Variants in HEATR6 observed in about 807,000 individuals in gnomAD.
HEATR6 encodes HEAT repeat-containing protein 6.
A neutral mutation model predicts 132.8 loss-of-function variants in HEATR6; 106 were observed. The observed-to-expected ratio is 0.80, with a 90% CI of 0.68 to 0.94. HEATR6 has a LOEUF of 0.94. Ranked by LOEUF, HEATR6 falls within the 40% of genes least tolerant of loss-of-function variation. HEATR6 has a pLI of 0.00. For missense variants in HEATR6, 1,339 were observed against 1,425.1 expected, an observed-to-expected ratio of 0.94 and a Z score of 0.97; for synonymous variants, 529 against 537.8, an observed-to-expected ratio of 0.98 and a Z score of 0.23.
intron 9 of HEATR6, among the ~76,000 whole-genome samples, chr17:60,060,533 A>G (rs1264947841): frequency 6.6e-6 from 1 of 152,224 alleles, no homozygotes; most frequent in Non-Finnish European, 1.5e-5. Context: ...TGAAATCCTA[A>G]GCATGAGAAT....
chr17:60,042,133 CA>C lies in HEATR6; in HGVS notation c.*1429del, dbSNP rs1201797033. Among the ~76,000 whole-genome samples the C allele has an allele frequency of 2.0e-5, 3 of 152,206 alleles. No homozygotes were observed. Among genetic ancestry groups the C allele is most frequent in the Non-Finnish European group, 4.4e-5 (3 of 68,028 alleles). ...AGGCACAAATTAAAAGGTGGCAAAA[CA>C]ACCATATATTTAGTGTGTGGGATCA... On this transcript the variant is annotated 3_prime_UTR_variant, in exon 20 of 20. Transcript: ENST00000184956.
At chr17:60,069,418 C>T (rs112625233) in intron 7 of HEATR6, among the ~76,000 whole-genome samples, 144 of 152,270 alleles carry the variant, frequency 9.5e-4, no homozygotes, top group Middle Eastern at 3.4e-3. Context: ...GTTTAGAGAA[C>T]GTTTGTTGAC....
intron 11 of HEATR6, 53 bp downstream of exon 11, chr17:60,059,369 T>C (rs1412668512): frequency 7.1e-6 from 7 of 987,930 alleles, no homozygotes; most frequent in African/African-American, 1.6e-5. Flanking sequence ...TTTTTACTAA[T>C]AGTCTGCATC....
At chr17:60,067,769 T>C (rs1374580083) in intron 7 of HEATR6, 37 bp from the exon 8 acceptor site, 8 of 1,508,936 alleles carry the variant, frequency 5.3e-6, no homozygotes, top group Non-Finnish European at 5.4e-6. Context: ...ATATAATAAC[T>C]ACTTCAGAAT....
Position 60,056,187 on chromosome 17 carries a change from C to T in HEATR6, c.2130G>A (p.Leu710=). 1 of 1,614,088 alleles carries T rather than the reference C, an allele frequency of 6.2e-7. No homozygotes were observed. Among genetic ancestry groups the T allele is most frequent in the Non-Finnish European group, 8.5e-7 (1 of 1,179,960 alleles). The change falls in exon 13 of 20, where the codon TTG becomes TTA. Residue 710 remains leucine (L), a synonymous_variant. Transcript: ENST00000184956. Reference sequence around the variant, plus strand: ...TGCAAATCACCTCTCCAAGCTCCATCAAGTAGGCTTGAGTCATTGAAAAGT... The same window carrying T: ...TGCAAATCACCTCTCCAAGCTCCATTAAGTAGGCTTGAGTCATTGAAAAGT... ...RGYFSMTQAY[L]MELGEVICKC...
At chr17:60,049,008 A>ATATATAT (rs1056861686) in intron 16 of HEATR6, among the ~76,000 whole-genome samples, 8 of 139,162 alleles carry the variant, frequency 5.7e-5, no homozygotes, top group East Asian at 4.2e-4. Flanking sequence ...ATATATATAT[A>ATATATAT]TATATATATA....
chr17:60,073,985 AGAGT>A, intron 2 of HEATR6, 99 bp from the exon 3 acceptor site: 1 of 1,471,476 alleles, frequency 6.8e-7, no homozygotes, highest in South Asian at 1.5e-5. Context: ...TATAAAAGAG[AGAGT>A]GTGTGTCTGT....
Position 60,073,150 on chromosome 17 carries a change from C to A in HEATR6, c.584+14G>T. On this transcript the variant is annotated intron_variant, in intron 4 of 19. Transcript: ENST00000184956. ...ATCTTATTACCATTGAGAAACTTGACTGGAGCCACATACCTGAGACATAAG... is the reference window on the plus strand; with the variant it reads ...ATCTTATTACCATTGAGAAACTTGAATGGAGCCACATACCTGAGACATAAG... 6.7e-6 allele frequency: 10 copies of A among 1,492,312 alleles called. No homozygotes were observed. Among genetic ancestry groups the A allele is most frequent in the Non-Finnish European group, 9.4e-6 (10 of 1,069,370 alleles). 92.4% of individuals were successfully genotyped at this position (1,492,312 alleles called of 1,614,324 possible).
At position 60,078,889 on chromosome 17, in the gene HEATR6, G is replaced by A. The variant is rs370439017; in HGVS notation, c.26C>T (p.Ser9Leu). The A allele has an allele frequency of 4.5e-6, 6 of 1,322,414 alleles. No individual in the cohort carries two copies. Among genetic ancestry groups the A allele is most frequent in the Non-Finnish European group, 5.9e-6 (6 of 1,009,014 alleles). The allele number at this position is 1,322,414 out of a possible 1,614,324, so 81.9% of individuals were successfully genotyped here. A position where few individuals can be genotyped will look rare whatever the true frequency, so the allele number is the denominator to read the frequency against. Reference protein sequence around the residue: MAAVQVVGSWPSVQPREAP... With the variant: MAAVQVVGLWPSVQPREAP... ...CTCCCGCGGCTGCACGGAAGGCCAC[G>A]AACCGACAACTTGCACAGCAGCCAT... Residue 9 changes from serine to leucine, a missense_variant, in exon 1 of 20, where the codon TCG becomes TTG. Ser to Leu is a moderately radical substitution (Grantham distance 145). Coordinates refer to ENST00000184956, the MANE Select transcript of HEATR6 (RefSeq NM_022070.5).
intron 11 of HEATR6, among the ~76,000 whole-genome samples, 155 bp downstream of exon 11, chr17:60,059,267 C>T (rs1242037219): frequency 6.6e-6 from 1 of 152,146 alleles, no homozygotes; most frequent in Non-Finnish European, 1.5e-5. Context: ...CTTGCAACAG[C>T]TTATACCCCT....
chr17:60,067,603 T>C lies in HEATR6; in HGVS notation c.1069A>G (p.Asn357Asp), dbSNP rs1367475549. 6.2e-7 allele frequency: 1 copy of C among 1,612,540 alleles called. No individual in the cohort carries two copies. The highest frequency in any genetic ancestry group is 8.5e-7 in the Non-Finnish European group (1 of 1,179,466). The change falls in exon 8 of 20, where the codon AAC (asparagine) becomes GAC (aspartate). Residue 357 changes from asparagine to aspartate, a missense_variant. Transcript: ENST00000184956. ...CCCAGGGAGGAGGGACACCAAGTGT[T>C]CCCTTCATGCAGGTTCACTCTGCCT... ...GTGRVNLHEGNTWCPSSLGVQ... is the reference protein window; with the variant it reads ...GTGRVNLHEGDTWCPSSLGVQ...
intron 9 of HEATR6, among the ~76,000 whole-genome samples, chr17:60,062,036 TA>T (rs1408900802): frequency 6.6e-6 from 1 of 152,260 alleles, no homozygotes; most frequent in Non-Finnish European, 1.5e-5. Context: ...TGAAATTGGT[TA>T]TTTTTTTCCA....
In HEATR6 at chr17:60,043,588, G is replaced by A. The variant is rs141770217; in HGVS notation, c.3521C>T (p.Ala1174Val). 6.2e-7 allele frequency: 1 copy of A among 1,613,072 alleles called. No individual in the cohort carries two copies. The highest frequency in any genetic ancestry group is 1.3e-5 in the African/African-American group (1 of 74,874). Reference protein sequence around the residue: ...VCFDSSGSQGALPGLTNQ With the variant: ...VCFDSSGSQGVLPGLTNQ ...TCACTGATTTGTTAACCCTGGGAGT[G>A]CCCCTTGTGATCCAGATGAGTCAAA... Residue 1174 changes from alanine (A) to valine (V), a missense_variant, in exon 20 of 20, where the codon GCA becomes GTA. Coordinates refer to ENST00000184956, the MANE Select transcript of HEATR6 (RefSeq NM_022070.5).
At chr17:60,076,090 A>T in intron 2 of HEATR6, 40 bp downstream of exon 2, 1 of 1,220,028 alleles carries the variant, frequency 8.2e-7, no homozygotes, top group South Asian at 1.2e-5. Flanking sequence ...CTTACTCTCA[A>T]AGTTCATGAT....
chr17:60,078,587 A>C (rs2083307890), intron 1 of HEATR6, 109 bp downstream of exon 1: 2 of 860,484 alleles, frequency 2.3e-6, no homozygotes, highest in Non-Finnish European at 3.5e-6. Flanking sequence ...CCTGAAACTA[A>C]ATCATCAGGC....
chr17:60,059,390 AAAG>A, intron 11 of HEATR6, 29 bp downstream of exon 11: 1 of 1,281,724 alleles, frequency 7.8e-7, no homozygotes, highest in Non-Finnish European at 1.1e-6. Context: ...TGACTGATAC[AAAG>A]AAGCCATCAG....
chr17:60,055,827 T>C (rs1460402966), intron 13 of HEATR6, among the ~76,000 whole-genome samples: 1 of 152,228 alleles, frequency 6.6e-6, no homozygotes, highest in Non-Finnish European at 1.5e-5. Flanking sequence ...TGCAACTAAT[T>C]TTCTTTCTTT....
chr17:60,050,633 T>C (rs1344968911), intron 15 of HEATR6, among the ~76,000 whole-genome samples: 1 of 152,166 alleles, frequency 6.6e-6, no homozygotes, highest in East Asian at 1.9e-4. Context: ...ACCTACACTC[T>C]CATGCACAGG....
intron 13 of HEATR6, 64 bp downstream of exon 13, chr17:60,056,051 T>C: frequency 6.5e-7 from 1 of 1,542,424 alleles, no homozygotes; most frequent in Non-Finnish European, 8.8e-7. Flanking sequence ...GGATATAAAG[T>C]GAAGAAAAGG....
Sources: allele counts gnomAD v4.1 joint callset (sites outside exome capture counted in the v4.1 genomes callset), GRCh38; gene constraint gnomAD v4.1.1; transcripts MANE v1.5; gene names NCBI Gene and HGNC (gene_info 2026-07-23, HGNC 2026-07-21).